The following TMEFF2 variants were observed in gnomAD, a reference collection of about 807,000 sequenced individuals.
TMEFF2 encodes tomoregulin-2.
TMEFF2 carries 28 observed loss-of-function variants against 53.8 expected under a neutral mutation model. The observed-to-expected ratio is 0.52, with a 90% CI of 0.39 to 0.71. TMEFF2 has a LOEUF of 0.71. TMEFF2 is among the 30% of genes least tolerant of loss of function. The pLI, the probability that TMEFF2 is intolerant of heterozygous loss-of-function variation, is 0.00. For synonymous variants in TMEFF2, 162 were observed against 166.3 expected (o/e 0.97, Z 0.20); for missense variants, 353 against 455.2 (o/e 0.78, Z 2.04).
chr2:192,001,107 A>G (rs920265040), intron 5 of TMEFF2, among the ~76,000 whole-genome samples: 31 of 152,174 alleles, frequency 2.0e-4, no homozygotes, highest in Non-Finnish European at 4.6e-4. Flanking sequence ...GGAGGTTGAC[A>G]TTTGCATTTT....
chr2:191,964,830 A>G (rs2105797828), intron 7 of TMEFF2, among the ~76,000 whole-genome samples: 1 of 152,226 alleles, frequency 6.6e-6, no homozygotes. Context: ...GTCTCTTCTC[A>G]GGCCTCAGCC....
At chr2:192,008,817 A>G (rs11695909) in intron 5 of TMEFF2, among the ~76,000 whole-genome samples, 65,580 of 152,116 alleles carry the variant, frequency 0.43, 17,075 homozygotes, top group Middle Eastern at 0.57. Flanking sequence ...GGGTGGCTTC[A>G]TGTTTGTGTT....
chr2:192,020,284 C>A (rs911696417), intron 5 of TMEFF2, among the ~76,000 whole-genome samples: 2 of 152,010 alleles, frequency 1.3e-5, no homozygotes, highest in African/African-American at 4.8e-5. Flanking sequence ...TGAATCATTA[C>A]TTTTTATGTG....
intron 4 of TMEFF2, among the ~76,000 whole-genome samples, chr2:192,114,432 T>G (rs891156242): frequency 1.3e-5 from 2 of 149,452 alleles, no homozygotes; most frequent in Non-Finnish European, 3.0e-5. Flanking sequence ...CATATAACAC[T>G]GAGAGTCCTA....
At chr2:192,054,088 A>C (rs764512398) in intron 5 of TMEFF2, among the ~76,000 whole-genome samples, 215 of 151,920 alleles carry the variant, frequency 1.4e-3, no homozygotes, top group Non-Finnish European at 2.4e-3. Flanking sequence ...ACAGCCCTCT[A>C]ATCTTCACAG....
chr2:192,134,720 A>G (rs1045659264), intron 4 of TMEFF2, among the ~76,000 whole-genome samples: 1 of 152,166 alleles, frequency 6.6e-6, no homozygotes, highest in African/African-American at 2.4e-5. Flanking sequence ...CTTTCACTAG[A>G]TAAGTAGAGG....
At chr2:192,118,446 A>G (rs148229329) in intron 4 of TMEFF2, among the ~76,000 whole-genome samples, 1 of 152,298 alleles carries the variant, frequency 6.6e-6, no homozygotes, top group Non-Finnish European at 1.5e-5. Context: ...TTTAAAAAGT[A>G]TATATAAGTC....
At chr2:192,160,161 A>G (rs1046086907) in intron 4 of TMEFF2, among the ~76,000 whole-genome samples, 1 of 152,184 alleles carries the variant, frequency 6.6e-6, no homozygotes, top group African/African-American at 2.4e-5. Flanking sequence ...AGGGGAGGCC[A>G]AGTTGGGTGA....
chr2:191,974,897 T>G (rs1434300664), intron 7 of TMEFF2, among the ~76,000 whole-genome samples: 1 of 152,054 alleles, frequency 6.6e-6, no homozygotes, highest in African/African-American at 2.4e-5. Flanking sequence ...TGGTAGAGAC[T>G]TTCAAAGAGG....
chr2:192,098,439 A>G (rs746685790), intron 4 of TMEFF2, among the ~76,000 whole-genome samples: 1 of 152,200 alleles, frequency 6.6e-6, no homozygotes, highest in Non-Finnish European at 1.5e-5. Flanking sequence ...AAGCTGCTCA[A>G]ACGAGAGTAG....
intron 4 of TMEFF2, among the ~76,000 whole-genome samples, chr2:192,069,537 A>C (rs961647568): frequency 2.6e-5 from 4 of 151,766 alleles, no homozygotes; most frequent in South Asian, 4.1e-4. Context: ...ACCAAAAAAA[A>C]CCCCACAAAA....
intron 1 of TMEFF2, among the ~76,000 whole-genome samples, chr2:192,193,644 C>A (rs947218057): frequency 2.0e-5 from 3 of 152,076 alleles, no homozygotes; most frequent in African/African-American, 7.2e-5. Context: ...TTTCTCAACT[C>A]CCCTGTACTA....
intron 4 of TMEFF2, among the ~76,000 whole-genome samples, chr2:192,159,440 T>C (rs1024852039): frequency 6.6e-6 from 1 of 152,158 alleles, no homozygotes; most frequent in South Asian, 2.1e-4. Flanking sequence ...ATCTTTATGA[T>C]GAAGCTGTGA....
At chr2:191,990,833 A>G (rs1172790329) in intron 7 of TMEFF2, among the ~76,000 whole-genome samples, 1 of 151,820 alleles carries the variant, frequency 6.6e-6, no homozygotes, top group African/African-American at 2.4e-5. Flanking sequence ...GTGAAAAATA[A>G]TGTTTTATGT....
chr2:192,002,682 T>C (rs965274562), intron 5 of TMEFF2, among the ~76,000 whole-genome samples: 7 of 152,090 alleles, frequency 4.6e-5, no homozygotes, highest in Non-Finnish European at 8.8e-5. Context: ...ATACAAAAAG[T>C]AGTCAGATGT....
intron 8 of TMEFF2, 68 bp downstream of exon 8, chr2:191,956,187 A>G: frequency 6.7e-7 from 1 of 1,482,634 alleles, no homozygotes; most frequent in Middle Eastern, 1.8e-4. Context: ...ATTTTCTATA[A>G]ACATCTACAA....
At chr2:191,992,579 T>C (rs1415402367) in intron 7 of TMEFF2, 1 of 152,038 alleles carries the variant, frequency 6.6e-6, no homozygotes, top group Non-Finnish European at 1.5e-5. Flanking sequence ...AGTGCTTTAT[T>C]GGGTTGACAT....
At chr2:191,994,987 G>A (rs1040420848) in intron 7 of TMEFF2, among the ~76,000 whole-genome samples, 7 of 151,926 alleles carry the variant, frequency 4.6e-5, no homozygotes, top group African/African-American at 1.7e-4. Context: ...AGGGATGATT[G>A]AGCAAATTCT....
At chr2:192,167,301 C>T (rs894719752) in intron 4 of TMEFF2, among the ~76,000 whole-genome samples, 2 of 152,052 alleles carry the variant, frequency 1.3e-5, no homozygotes, top group African/African-American at 4.8e-5. Context: ...AAAATCTCTG[C>T]CTGGAACACA....
Sources: allele counts gnomAD v4.1 joint callset (sites outside exome capture counted in the v4.1 genomes callset), GRCh38; gene constraint gnomAD v4.1.1; transcripts MANE v1.5; gene names NCBI Gene and HGNC (gene_info 2026-07-23, HGNC 2026-07-21).